The following G3BP2 variants were observed in gnomAD, a reference collection of about 807,000 sequenced individuals.
G3BP2 encodes the protein ras GTPase-activating protein-binding protein 2.
G3BP2 carries 11 observed loss-of-function variants against 56.7 expected under a neutral mutation model. That is an observed-to-expected ratio of 0.19 (90% CI 0.12 to 0.32). G3BP2 has a LOEUF of 0.32. Among genes scored for constraint, G3BP2 ranks in the 10% least tolerant of loss-of-function variants. The pLI is 1.00. For missense variants in G3BP2, 340 were observed against 610.9 expected, an observed-to-expected ratio of 0.56 and a Z score of 4.67; for synonymous variants, 165 against 191.6, an observed-to-expected ratio of 0.86 and a Z score of 1.15.
chr4:75,717,254 G>A (rs571714067), intron 3 of G3BP2, among the ~76,000 whole-genome samples: 32 of 152,152 alleles, frequency 2.1e-4, no homozygotes, highest in African/African-American at 6.3e-4. Flanking sequence ...TGGGCAAGAC[G>A]GTGAAACCCC....
At chr4:75,655,382 T>C (rs2148975597) in intron 6 of G3BP2, 136 bp from the exon 7 acceptor site, 1 of 670,500 alleles carries the variant, frequency 1.5e-6, no homozygotes, top group African/African-American at 1.8e-5. Flanking sequence ...AAAGCAAAAT[T>C]CCAAAAAGAG....
chr4:75,707,685 G>A (rs1299171519), intron 3 of G3BP2, among the ~76,000 whole-genome samples: 4 of 151,778 alleles, frequency 2.6e-5, no homozygotes, highest in Admixed American at 6.6e-5. Context: ...ATTATAATCC[G>A]GTGGTTTAAC....
intron 9 of G3BP2, among the ~76,000 whole-genome samples, chr4:75,647,463 G>C (rs577044039): frequency 6.0e-5 from 9 of 150,812 alleles, no homozygotes; most frequent in Admixed American, 1.3e-4. Flanking sequence ...CCATCACCCA[G>C]GAACCAAGCA....
intron 3 of G3BP2, among the ~76,000 whole-genome samples, chr4:75,687,316 G>A (rs993677744): frequency 3.9e-5 from 6 of 152,160 alleles, no homozygotes; most frequent in Non-Finnish European, 8.8e-5. Context: ...GAGTTTCCCT[G>A]CACAGGCTTT....
At chr4:75,675,247 C>G (rs536399253), upstream of G3BP2, among the ~76,000 whole-genome samples, 14 of 152,300 alleles carry the variant, frequency 9.2e-5, no homozygotes, top group South Asian at 2.1e-3. Flanking sequence ...TCAAGTGTTT[C>G]CGGTTTGGAG....
At chr4:75,718,130 G>A (rs1171507238) in intron 3 of G3BP2, among the ~76,000 whole-genome samples, 3 of 127,414 alleles carry the variant, frequency 2.4e-5, no homozygotes, top group Admixed American at 1.5e-4. Context: ...ATGAGACTCC[G>A]TCGCAAAAAA....
At chr4:75,681,144 T>C (rs1279547764) in intron 3 of G3BP2, among the ~76,000 whole-genome samples, 1 of 149,872 alleles carries the variant, frequency 6.7e-6, no homozygotes, top group Admixed American at 6.7e-5. Context: ...GCCAACATGG[T>C]GAAACCCCGT....
chr4:75,692,972 C>T (rs781678429), intron 3 of G3BP2, among the ~76,000 whole-genome samples: 2 of 152,120 alleles, frequency 1.3e-5, no homozygotes, highest in African/African-American at 4.8e-5. Flanking sequence ...TTCAGCCAGG[C>T]GCGGTGGCTC....
intron 3 of G3BP2, among the ~76,000 whole-genome samples, chr4:75,718,092 C>T (rs1327251099): frequency 6.6e-6 from 1 of 150,780 alleles, no homozygotes; most frequent in Admixed American, 6.6e-5. Flanking sequence ...GCCAAGGTAG[C>T]ATCACTGCAC....
intron 3 of G3BP2, among the ~76,000 whole-genome samples, chr4:75,716,402 T>C (rs1241414337): frequency 1.3e-5 from 2 of 152,170 alleles, no homozygotes; most frequent in African/African-American, 4.8e-5. Context: ...CTCAAACTCT[T>C]GAGCTCAGGT....
intron 3 of G3BP2, among the ~76,000 whole-genome samples, chr4:75,710,817 C>T (rs1286800946): frequency 6.6e-6 from 1 of 151,892 alleles, no homozygotes; most frequent in African/African-American, 2.4e-5. Context: ...CAGGTGCACA[C>T]CACTAGGCCT....
intron 7 of G3BP2, 44 bp from the exon 8 acceptor site, chr4:75,654,125 C>CA: frequency 1.1e-6 from 1 of 872,610 alleles, no homozygotes; most frequent in East Asian, 2.4e-5. Context: ...CATGGAAAAC[C>CA]ACCAACATTC....
At chr4:75,699,493 T>A (rs1394915967) in intron 3 of G3BP2, among the ~76,000 whole-genome samples, 1 of 152,208 alleles carries the variant, frequency 6.6e-6, no homozygotes, top group Non-Finnish European at 1.5e-5. Flanking sequence ...CTAAAGCCTA[T>A]GCCCTTTCTA....
At chr4:75,703,483 A>G (rs1196502160) in intron 3 of G3BP2, among the ~76,000 whole-genome samples, 2 of 152,202 alleles carry the variant, frequency 1.3e-5, no homozygotes, top group African/African-American at 4.8e-5. Flanking sequence ...AAATGTCTAC[A>G]AAGGGCCAGT....
chr4:75,662,203 T>A (rs1227023549), intron 1 of G3BP2, 154 bp from the exon 2 acceptor site: 5 of 493,994 alleles, frequency 1.0e-5, no homozygotes, highest in African/African-American at 4.0e-5. Flanking sequence ...CCCACTACCA[T>A]CAGACTAACC....
chr4:75,705,061 G>A (rs1385202765), intron 3 of G3BP2, among the ~76,000 whole-genome samples: 1 of 152,036 alleles, frequency 6.6e-6, no homozygotes, highest in Non-Finnish European at 1.5e-5. Context: ...TAGTTCATCG[G>A]CTATCATTAG....
intron 3 of G3BP2, among the ~76,000 whole-genome samples, chr4:75,683,383 G>A (rs941563033): frequency 1.3e-5 from 2 of 152,024 alleles, no homozygotes; most frequent in African/African-American, 4.8e-5. Context: ...CCAACGTGGT[G>A]CGAAACCCTG....
At chr4:75,708,697 A>T (rs1719642059) in intron 3 of G3BP2, among the ~76,000 whole-genome samples, 1 of 152,206 alleles carries the variant, frequency 6.6e-6, no homozygotes, top group African/African-American at 2.4e-5. Flanking sequence ...TGGGCTGGGC[A>T]TGGTGGCTCA....
At chr4:75,716,060 T>A (rs890245788) in intron 3 of G3BP2, among the ~76,000 whole-genome samples, 7 of 152,138 alleles carry the variant, frequency 4.6e-5, no homozygotes, top group African/African-American at 1.7e-4. Flanking sequence ...AGGACTAGGG[T>A]CTAGGTCACT....
Sources: gnomAD v4.1 joint callset for allele counts (sites outside exome capture counted in the v4.1 genomes callset) on GRCh38, gnomAD v4.1.1 for gene constraint, MANE v1.5 for transcripts, NCBI Gene and HGNC (gene_info 2026-07-23, HGNC 2026-07-21) for gene names.